Variants in ACBD7 observed in about 807,000 individuals in gnomAD.
ACBD7 encodes acyl-CoA-binding domain-containing protein 7.
ACBD7 carries 11 observed loss-of-function variants against 13.7 expected under a neutral mutation model. The ratio of observed to expected loss-of-function variants is 0.80; its 90% CI spans 0.50 to 1.33. The LOEUF is 1.33. Among genes scored for constraint, ACBD7 ranks in the 40% most tolerant of loss-of-function variants. The probability of loss-of-function intolerance (pLI) is 0.00; values close to 1 mark genes in which losing one functional copy is unlikely to be tolerated. For synonymous variants in ACBD7, 43 were observed against 37.7 expected, an observed-to-expected ratio of 1.14 and a Z score of -0.51; for missense variants, 111 against 103.0, an observed-to-expected ratio of 1.08 and a Z score of -0.33.
chr10:15,081,075 T>C (rs1228656626), intron 1 of ACBD7, among the ~76,000 whole-genome samples: 1 of 152,106 alleles, frequency 6.6e-6, no homozygotes, highest in Non-Finnish European at 1.5e-5. Context: ...CAAGTTTCCT[T>C]CCAGCCCCAA....
intron 1 of ACBD7, among the ~76,000 whole-genome samples, chr10:15,082,327 T>C (rs1224218259): frequency 1.4e-5 from 2 of 140,636 alleles, no homozygotes; most frequent in Non-Finnish European, 3.1e-5. Flanking sequence ...AAGCAAGACA[T>C]AAGAAATACT....
chr10:15,079,068 A>C, intron 1 of ACBD7, 28 bp from the exon 2 acceptor site: 1 of 1,527,172 alleles, frequency 6.5e-7, no homozygotes, highest in Non-Finnish European at 9.0e-7. Context: ...AAACAAACAA[A>C]AGGAGCATTT....
At chr10:15,079,196 A>C (rs11259464) in intron 1 of ACBD7, among the ~76,000 whole-genome samples, 156 bp from the exon 2 acceptor site, 30,064 of 150,730 alleles carry the variant, frequency 0.2, 3,752 homozygotes, top group African/African-American at 0.35. Flanking sequence ...CTAGGAGTTC[A>C]CCTCTCCTGG....
At chr10:15,085,218 C>T (rs1844795899) in intron 1 of ACBD7, among the ~76,000 whole-genome samples, 1 of 152,200 alleles carries the variant, frequency 6.6e-6, no homozygotes, top group African/African-American at 2.4e-5. Context: ...ACAGCCCCTC[C>T]CTGGACTCTC....
intron 1 of ACBD7, among the ~76,000 whole-genome samples, chr10:15,087,108 A>G (rs573729787): frequency 2.6e-5 from 4 of 151,918 alleles, no homozygotes; most frequent in African/African-American, 9.7e-5. Flanking sequence ...TGAGCCCAGG[A>G]GGTCAAGGCT....
At chr10:15,084,476 CACAA>C (rs1844786641) in intron 1 of ACBD7, among the ~76,000 whole-genome samples, 1 of 152,056 alleles carries the variant, frequency 6.6e-6, no homozygotes, top group Non-Finnish European at 1.5e-5. Context: ...GGACAAAATG[CACAA>C]ACAAAGCAAG....
Position 15,079,050 on chromosome 10 carries a change from G to GAACAAACA in ACBD7, c.13-18_13-11dup. 1 of 1,589,344 alleles carries GAACAAACA rather than the reference G, an allele frequency of 6.3e-7. No homozygotes were observed. The highest frequency in any genetic ancestry group is 8.6e-7 in the Non-Finnish European group (1 of 1,163,928). On this transcript the variant is annotated splice_polypyrimidine_tract_variant and intron_variant, in intron 1 of 3. Transcript: ENST00000356189. ...CCCTGTCAAAATCAGCCTAAAGGAA[G>GAACAAACA]AACAAACAAACAAACAAAAGGAGCA...
chr10:15,085,377 C>T (rs936318712), intron 1 of ACBD7, among the ~76,000 whole-genome samples: 3 of 152,160 alleles, frequency 2.0e-5, no homozygotes, highest in Admixed American at 1.3e-4. Flanking sequence ...ATTTCAGCCC[C>T]GCTGAAGACA....
chr10:15,079,883 CTT>C (rs34762205), intron 1 of ACBD7, among the ~76,000 whole-genome samples: 64 of 138,362 alleles, frequency 4.6e-4, no homozygotes, highest in African/African-American at 8.2e-4. Context: ...AGCTGCTTTT[CTT>C]TTTTTTTTTT....
chr10:15,079,919 A>G (rs961028545), intron 1 of ACBD7, among the ~76,000 whole-genome samples: 5 of 145,694 alleles, frequency 3.4e-5, no homozygotes, highest in African/African-American at 1.3e-4. Flanking sequence ...ATACTCATTG[A>G]AGGTTTCTCA....
intron 1 of ACBD7, among the ~76,000 whole-genome samples, chr10:15,080,621 G>A (rs1176738661): frequency 1.3e-5 from 2 of 152,190 alleles, no homozygotes; most frequent in South Asian, 2.1e-4. Context: ...AGTAGTTTAA[G>A]CCTTGTCCTG....
Position 15,076,104 on chromosome 10 carries a change from A to T in ACBD7, c.*2426T>A. 1 of 984,936 alleles carries T rather than the reference A, an allele frequency of 1.0e-6. No individual in the cohort carries two copies. The highest frequency in any genetic ancestry group is 1.2e-6 in the Non-Finnish European group (1 of 829,560). The allele number at this position is 984,936 out of a possible 1,614,324, so 61.0% of individuals were successfully genotyped here. A position where few individuals can be genotyped will look rare whatever the true frequency, so the allele number is the denominator to read the frequency against. On this transcript the variant is annotated 3_prime_UTR_variant, in exon 4 of 4. Transcript: ENST00000356189. ...GGAAATTCATCTAGCAGACCTAGAT[A>T]GTTTTGTTGTTGTAGTAACATGAAG...
At chr10:15,088,636 C>A in intron 1 of ACBD7, 81 bp downstream of exon 1, 1 of 1,542,662 alleles carries the variant, frequency 6.5e-7, no homozygotes, top group Non-Finnish European at 8.7e-7. Flanking sequence ...CTCCCAGGGG[C>A]GCCAAGCCCA....
intron 1 of ACBD7, among the ~76,000 whole-genome samples, chr10:15,079,268 CTTTTTTT>C (rs36008210): frequency 7.9e-6 from 1 of 126,454 alleles, no homozygotes; most frequent in Admixed American, 8.5e-5. Flanking sequence ...GGTTTAACTT[CTTTTTTT>C]TTTTTTTTTT....
chr10:15,084,929 G>C (rs1844792164), intron 1 of ACBD7, among the ~76,000 whole-genome samples: 1 of 136,708 alleles, frequency 7.3e-6, no homozygotes, highest in Non-Finnish European at 1.5e-5. Context: ...GGTGTGGAAA[G>C]TTGGGGTTTT....
intron 1 of ACBD7, chr10:15,088,164 G>A (rs11259475): frequency 0.038 from 5,752 of 153,002 alleles, 118 homozygotes; most frequent in African/African-American, 0.042. Context: ...AACATACTAG[G>A]ACATACTAGG....
intron 1 of ACBD7, among the ~76,000 whole-genome samples, chr10:15,083,081 T>A (rs957007099): frequency 3.9e-5 from 6 of 152,162 alleles, no homozygotes; most frequent in African/African-American, 1.4e-4. Context: ...ATGAAAGTCC[T>A]GGACCCCTCT....
At chr10:15,088,463 C>A (rs1418716474) in intron 1 of ACBD7, 9 of 540,810 alleles carry the variant, frequency 1.7e-5, no homozygotes, top group Admixed American at 1.6e-4. Context: ...CCGTGCTCCC[C>A]GGCGCTCCTG....
At chr10:15,086,970 GCC>G (rs1844816567) in intron 1 of ACBD7, among the ~76,000 whole-genome samples, 42 of 147,818 alleles carry the variant, frequency 2.8e-4, no homozygotes, top group African/African-American at 6.3e-4. Context: ...CCAAGATTGC[GCC>G]ATTGCACTCC....
Sources: gnomAD v4.1 joint callset for allele counts (sites outside exome capture counted in the v4.1 genomes callset) on GRCh38, gnomAD v4.1.1 for gene constraint, MANE v1.5 for transcripts, NCBI Gene and HGNC (gene_info 2026-07-23, HGNC 2026-07-21) for gene names.